GLRB: variants seen among roughly 807,000 people sequenced by gnomAD.
The protein encoded by GLRB is glycine receptor beta.
A neutral mutation model predicts 54.2 loss-of-function variants in GLRB; 33 were observed. The observed-to-expected ratio is 0.61, with a 90% CI of 0.46 to 0.81. The LOEUF is 0.81. Among genes scored for constraint, GLRB ranks in the 40% least tolerant of loss-of-function variants. The pLI is 0.00. For synonymous variants in GLRB, 209 were observed against 208.2 expected (o/e 1.00, Z -0.03); for missense variants, 572 against 584.6 (o/e 0.98, Z 0.22).
chr4:157,160,619 A>C (rs913365323), intron 9 of GLRB, among the ~76,000 whole-genome samples: 2 of 151,842 alleles, frequency 1.3e-5, no homozygotes, highest in Non-Finnish European at 1.5e-5. Context: ...CAGGTTGTTC[A>C]GTTTCCATGT....
chr4:157,153,434 T>G (rs1321678213), intron 9 of GLRB, among the ~76,000 whole-genome samples: 1 of 152,148 alleles, frequency 6.6e-6, no homozygotes, highest in Non-Finnish European at 1.5e-5. Context: ...GAGAAGCCCA[T>G]GCTCATGATT....
intron 2 of GLRB, among the ~76,000 whole-genome samples, chr4:157,095,818 T>A (rs1048973440): frequency 1.3e-5 from 2 of 152,066 alleles, no homozygotes; most frequent in African/African-American, 4.8e-5. Context: ...AGGGCTGCCT[T>A]GGAATGGGAG....
intron 2 of GLRB, among the ~76,000 whole-genome samples, chr4:157,104,162 T>C (rs1412147796): frequency 2.0e-5 from 3 of 152,202 alleles, no homozygotes; most frequent in Non-Finnish European, 4.4e-5. Flanking sequence ...CAGTTTTCAC[T>C]GTTGGGAATG....
intron 9 of GLRB, among the ~76,000 whole-genome samples, chr4:157,153,398 T>A (rs543703790): frequency 6.6e-6 from 1 of 152,246 alleles, no homozygotes; most frequent in African/African-American, 2.4e-5. Context: ...GCATCACTGA[T>A]CATCTGCCTT....
At chr4:157,165,970 A>G (rs1737692718) in intron 9 of GLRB, among the ~76,000 whole-genome samples, 1 of 152,066 alleles carries the variant, frequency 6.6e-6, no homozygotes, top group African/African-American at 2.4e-5. Context: ...TATTGTCTGT[A>G]GAGGATGCCA....
chr4:157,125,188 G>A (rs1309680917), intron 4 of GLRB, among the ~76,000 whole-genome samples: 1 of 151,842 alleles, frequency 6.6e-6, no homozygotes, highest in African/African-American at 2.4e-5. Context: ...CTGGACAGGA[G>A]TTATGTTATG....
At chr4:157,092,538 T>C (rs1734657629) in intron 2 of GLRB, among the ~76,000 whole-genome samples, 1 of 152,212 alleles carries the variant, frequency 6.6e-6, no homozygotes, top group African/African-American at 2.4e-5. Flanking sequence ...AATAGTTAAA[T>C]ATAGAACACC....
rs543847108 is a variant in GLRB, at chr4:157,143,186, A to G, written c.752-621A>G. ...TTGAGAGCCTGAAGTAGAGGTGGGC[A>G]AAGAATTGAGAGGAATATCCGATGT... On this transcript the variant is annotated intron_variant, in intron 7 of 9. Coordinates refer to ENST00000264428, the MANE Select transcript of GLRB (RefSeq NM_000824.5). 2.1e-3 allele frequency among the ~76,000 whole-genome samples: 322 copies of G among 152,274 alleles called. 4 individuals are homozygous for G. The highest frequency in any genetic ancestry group is 7.8e-4 in the Non-Finnish European group (53 of 68,022).
chr4:157,142,828 A>C (rs1286848967), intron 7 of GLRB, among the ~76,000 whole-genome samples: 1 of 152,206 alleles, frequency 6.6e-6, no homozygotes, highest in Admixed American at 6.5e-5. Context: ...ACAATCTTAC[A>C]TTTGTAAAAT....
rs529169163 is a variant in GLRB, at chr4:157,098,021, C to CA, written c.122+19887dup. The stretch of plus-strand genomic sequence containing the variant: ...GGGGGACAAGAGTGAGACTTTGTCT[C>CA]AAAAAAAAAAAATGAAATTTCCCAT... On this transcript the variant is annotated intron_variant, in intron 2 of 9. Transcript: ENST00000264428. Among the ~76,000 whole-genome samples the CA allele has an allele frequency of 1.1e-3, 151 of 141,324 alleles. 1 individual carries two copies. Among genetic ancestry groups the CA allele is most frequent in the Middle Eastern group, 3.6e-3 (1 of 278 alleles). The allele number at this position is 141,324 out of a possible 152,430, so 92.7% of individuals were successfully genotyped here.
At chr4:157,092,781 A>T (rs1734665697) in intron 2 of GLRB, among the ~76,000 whole-genome samples, 1 of 152,182 alleles carries the variant, frequency 6.6e-6, no homozygotes, top group Non-Finnish European at 1.5e-5. Flanking sequence ...GTGTTTGTAT[A>T]GCTTTCTTAA....
Position 157,136,798 on chromosome 4 carries a change from T to C in GLRB, c.528-6T>C. The C allele has an allele frequency of 1.3e-6, 2 of 1,598,452 alleles. No homozygotes were observed. The highest frequency in any genetic ancestry group is 1.1e-5 in the South Asian group (1 of 90,754). ...AATTATTTCTAAGACCCATTTCTGCTTCCAGGTTATCTATTACTCTTTCAT... is the reference window on the plus strand; with the variant it reads ...AATTATTTCTAAGACCCATTTCTGCCTCCAGGTTATCTATTACTCTTTCAT... On this transcript the variant is annotated splice_polypyrimidine_tract_variant and splice_region_variant and intron_variant, in intron 5 of 9. Coordinates refer to ENST00000264428, the MANE Select transcript of GLRB (RefSeq NM_000824.5).
rs11941412 is a variant in GLRB at position 157,171,725 on chromosome 4, A to T, written c.*997A>T. 1.8e-3 allele frequency: 268 copies of T among 151,596 alleles called. No individual in the cohort carries two copies. Among genetic ancestry groups the T allele is most frequent in the African/African-American group, 6.3e-3 (257 of 41,116 alleles). 9.4% of individuals were successfully genotyped at this position (151,596 alleles called of 1,614,324 possible). On this transcript the variant is annotated 3_prime_UTR_variant, in exon 10 of 10. Transcript: ENST00000264428. Reference sequence around the variant, plus strand: ...AAATGTTTACTGAATTTATTTTTTTATTTGAATATTTTGGGATTAGTTACA... The same window carrying T: ...AAATGTTTACTGAATTTATTTTTTTTTTTGAATATTTTGGGATTAGTTACA...
intron 9 of GLRB, among the ~76,000 whole-genome samples, chr4:157,157,780 A>C (rs1035697178): frequency 3.0e-4 from 45 of 152,218 alleles, no homozygotes; most frequent in African/African-American, 1.0e-3. Flanking sequence ...TGCTAATGTG[A>C]ATAGTGCCGC....
intron 7 of GLRB, among the ~76,000 whole-genome samples, chr4:157,140,357 A>G (rs752140430): frequency 6.6e-6 from 1 of 151,978 alleles, no homozygotes; most frequent in African/African-American, 2.4e-5. Context: ...ATTACTTATT[A>G]CTGGTGACTT....
chr4:157,105,812 A>T (rs995429610), intron 2 of GLRB, among the ~76,000 whole-genome samples: 1 of 152,060 alleles, frequency 6.6e-6, no homozygotes, highest in South Asian at 2.1e-4. Context: ...AGTCTATTTT[A>T]TCTAGGTATA....
intron 2 of GLRB, among the ~76,000 whole-genome samples, chr4:157,113,964 G>A (rs1422142212): frequency 1.3e-5 from 2 of 151,780 alleles, no homozygotes; most frequent in Non-Finnish European, 2.9e-5. Flanking sequence ...GTAAATTATA[G>A]GATAAGTAGG....
intron 2 of GLRB, among the ~76,000 whole-genome samples, chr4:157,114,481 T>C (rs1170260616): frequency 6.6e-6 from 1 of 151,868 alleles, no homozygotes; most frequent in African/African-American, 2.4e-5. Flanking sequence ...ATGGTGCTTT[T>C]ATTTATTTTT....
rs41279333 is a variant in GLRB at position 157,170,979 on chromosome 4, A to C, written c.*251A>C. ...AACAAATGAAGGACAAGCATACTAC[A>C]TAATATAATCCATACAATTCTCTTC... On this transcript the variant is annotated 3_prime_UTR_variant, in exon 10 of 10. Coordinates refer to ENST00000264428, the MANE Select transcript of GLRB (RefSeq NM_000824.5). 1 of 329,456 alleles carries C rather than the reference A, an allele frequency of 3.0e-6. No individual in the cohort carries two copies. The highest frequency in any genetic ancestry group is 5.6e-6 in the Non-Finnish European group (1 of 180,176). 20.4% of individuals were successfully genotyped at this position (329,456 alleles called of 1,614,324 possible).
Sources: gnomAD v4.1 joint callset for allele counts (sites outside exome capture counted in the v4.1 genomes callset) on GRCh38, gnomAD v4.1.1 for gene constraint, MANE v1.5 for transcripts, NCBI Gene and HGNC (gene_info 2026-07-23, HGNC 2026-07-21) for gene names.